Variants in FREM1 observed in about 807,000 individuals in gnomAD.
FREM1 encodes FRAS1-related extracellular matrix protein 1.
FREM1 carries 220 observed loss-of-function variants against 210.1 expected under a neutral mutation model. That is an observed-to-expected ratio of 1.05 (90% CI 0.94 to 1.17). The LOEUF is 1.17. Among genes scored for constraint, FREM1 ranks in the 50% most tolerant of loss-of-function variants. The pLI is 0.00. For missense variants in FREM1, 3,454 were observed against 2,675.5 expected, an observed-to-expected ratio of 1.29 and a Z score of -6.42; for synonymous variants, 1,189 against 980.2, an observed-to-expected ratio of 1.21 and a Z score of -3.98.
intron 1 of FREM1, among the ~76,000 whole-genome samples, chr9:14,884,589 G>A (rs996224329): frequency 1.3e-5 from 2 of 152,150 alleles, no homozygotes; most frequent in Non-Finnish European, 2.9e-5. Context: ...ATTGGTGGAG[G>A]GGAAATGTGA....
At chr9:14,771,578 G>A (rs935419462) in intron 25 of FREM1, among the ~76,000 whole-genome samples, 10 of 152,062 alleles carry the variant, frequency 6.6e-5, no homozygotes, top group South Asian at 2.1e-4. Context: ...TGTAGGTTAT[G>A]GATGGAGCAG....
rs957882323 is a variant in FREM1, at chr9:14,751,657, C to T, written c.5408-1381G>A. 9.2e-5 allele frequency: 14 copies of T among 152,320 alleles called. 1 individual carries two copies. The highest frequency in any genetic ancestry group is 3.1e-4 in the African/African-American group (13 of 41,538). 9.4% of individuals were successfully genotyped at this position (152,320 alleles called of 1,614,324 possible). On this transcript the variant is annotated intron_variant, in intron 29 of 36. Coordinates refer to ENST00000380880, the MANE Select transcript of FREM1 (RefSeq NM_001379081.2). ...CCTGGGCAACAGAGTGAGACCTTGT[C>T]CCCATCTCCAAAAAACGACTCTTTT...
At position 14,859,560 on chromosome 9, in the gene FREM1, A is replaced by C. The variant is rs968116327; in HGVS notation, c.330-76T>G. On this transcript the variant is annotated intron_variant, in intron 3 of 36. Coordinates refer to ENST00000380880, the MANE Select transcript of FREM1 (RefSeq NM_001379081.2). ...TGATACCCATGTACTCAGCTGGAAG[A>C]CTAAAGATTGGCCTTCACCAAATTT... 12 of 1,288,442 alleles carry C rather than the reference A, an allele frequency of 9.3e-6. No homozygotes were observed. The Admixed American group carries it at 2.7e-4, about 29-fold the overall frequency. The allele number at this position is 1,288,442 out of a possible 1,614,324, so 79.8% of individuals were successfully genotyped here. A position where few individuals can be genotyped will look rare whatever the true frequency, so the allele number is the denominator to read the frequency against.
chr9:14,801,967 C>A, intron 19 of FREM1, 93 bp from the exon 20 acceptor site: 1 of 879,882 alleles, frequency 1.1e-6, no homozygotes, highest in Admixed American at 2.4e-5. Flanking sequence ...TGAATATATC[C>A]TACTTCAAAT....
chr9:14,746,534 G>T (rs747773873), intron 34 of FREM1, 66 bp from the exon 35 acceptor site: 14 of 1,245,252 alleles, frequency 1.1e-5, no homozygotes, highest in Non-Finnish European at 1.7e-5. Flanking sequence ...TTCAGCATAA[G>T]GAGTCCTACG....
At chr9:14,886,391 A>AAC in intron 1 of FREM1, among the ~76,000 whole-genome samples, 1 of 120,826 alleles carries the variant, frequency 8.3e-6, no homozygotes, top group African/African-American at 2.6e-5. Context: ...ACTCAAAAAA[A>AAC]AAAAAAAAAA....
chr9:14,859,842 C>A (rs1829479020), intron 3 of FREM1, among the ~76,000 whole-genome samples: 1 of 152,154 alleles, frequency 6.6e-6, no homozygotes, highest in South Asian at 2.1e-4. Context: ...ACTTTTAATT[C>A]AGGAGTGAAG....
At chr9:14,809,278 T>C (rs1188988705) in intron 16 of FREM1, among the ~76,000 whole-genome samples, 1 of 152,190 alleles carries the variant, frequency 6.6e-6, no homozygotes, top group Non-Finnish European at 1.5e-5. Context: ...TTAAACCTCT[T>C]TCTTTTGTAA....
At chr9:14,788,054 G>A (rs1850692184) in intron 23 of FREM1, among the ~76,000 whole-genome samples, 1 of 151,274 alleles carries the variant, frequency 6.6e-6, no homozygotes, top group Admixed American at 6.6e-5. Flanking sequence ...TTTTATTATT[G>A]CACTTAAGCA....
chr9:14,766,928 G>A (rs1443461506), intron 27 of FREM1, among the ~76,000 whole-genome samples: 1 of 152,006 alleles, frequency 6.6e-6, no homozygotes, highest in African/African-American at 2.4e-5. Context: ...AATGTTTCCG[G>A]GATACTTCTT....
intron 1 of FREM1, among the ~76,000 whole-genome samples, chr9:14,873,282 G>T (rs1833050361): frequency 6.6e-6 from 1 of 152,168 alleles, no homozygotes; most frequent in African/African-American, 2.4e-5. Flanking sequence ...GAATTCGGCT[G>T]TGAATCCATC....
At chr9:14,849,726 C>T (rs1005122462) in intron 6 of FREM1, among the ~76,000 whole-genome samples, 45 of 152,328 alleles carry the variant, frequency 3.0e-4, no homozygotes, top group Non-Finnish European at 6.2e-4. Flanking sequence ...TTCCAGTCCA[C>T]ACAACCTGAA....
rs1564101123 is a variant in FREM1 at position 14,860,754 on chromosome 9, T to TATATATGCAC, written c.330-1280_330-1271dup. On this transcript the variant is annotated intron_variant, in intron 3 of 36. Coordinates refer to ENST00000380880, the MANE Select transcript of FREM1 (RefSeq NM_001379081.2). ...ACATATATACACATATATATGCACA[T>TATATATGCAC]ATATATGCACATATATACACATATA... Among the ~76,000 whole-genome samples the TATATATGCAC allele has an allele frequency of 1.2e-3, 138 of 113,728 alleles. 2 individuals carry two copies. Among genetic ancestry groups the TATATATGCAC allele is most frequent in the Middle Eastern group, 7.6e-3 (1 of 132 alleles). 74.6% of individuals were successfully genotyped at this position (113,728 alleles called of 152,430 possible).
intron 6 of FREM1, 69 bp downstream of exon 6, chr9:14,851,215 T>C: frequency 1.7e-6 from 2 of 1,143,294 alleles, no homozygotes; most frequent in Non-Finnish European, 2.5e-6. Flanking sequence ...CCTGAGGGTT[T>C]AGGGTAGGGG....
At chr9:14,875,221 C>A (rs1833471504) in intron 1 of FREM1, among the ~76,000 whole-genome samples, 2 of 152,172 alleles carry the variant, frequency 1.3e-5, no homozygotes, top group African/African-American at 4.8e-5. Context: ...GCCTGCCTTG[C>A]TAGATTGGGG....
chr9:14,835,578 G>C (rs1167199430), intron 10 of FREM1, among the ~76,000 whole-genome samples: 2 of 152,164 alleles, frequency 1.3e-5, no homozygotes, highest in East Asian at 1.9e-4. Flanking sequence ...TTTCTAATAG[G>C]TCTGGAAGCT....
chr9:14,822,340 T>C (rs769256310), intron 13 of FREM1, among the ~76,000 whole-genome samples: 5 of 152,136 alleles, frequency 3.3e-5, no homozygotes, highest in African/African-American at 9.7e-5. Context: ...CCCCACAACC[T>C]TGGGCAGGTA....
intron 15 of FREM1, among the ~76,000 whole-genome samples, chr9:14,814,702 A>G (rs1819993198): frequency 6.6e-6 from 1 of 152,224 alleles, no homozygotes; most frequent in Non-Finnish European, 1.5e-5. Context: ...AGTGATGACC[A>G]TCTTGCAGCC....
intron 24 of FREM1, among the ~76,000 whole-genome samples, chr9:14,781,845 AG>A (rs1380047491): frequency 6.6e-6 from 1 of 152,220 alleles, no homozygotes. Context: ...CTAGGATTAC[AG>A]GTGCCCGCCA....
Sources: allele counts gnomAD v4.1 joint callset (sites outside exome capture counted in the v4.1 genomes callset), GRCh38; gene constraint gnomAD v4.1.1; transcripts MANE v1.5; gene names NCBI Gene and HGNC (gene_info 2026-07-23, HGNC 2026-07-21).